The following QRICH1 variants were observed in gnomAD, a reference collection of about 807,000 sequenced individuals.
The protein encoded by QRICH1 is transcriptional regulator QRICH1.
Under a neutral mutation model 87.1 loss-of-function variants are expected in QRICH1, and 16 were observed. The ratio of observed to expected loss-of-function variants is 0.18; its 90% confidence interval spans 0.12 to 0.28. The LOEUF (loss-of-function observed/expected upper bound fraction) is 0.28, where lower values mean the gene tolerates loss of function less well. QRICH1 is among the 10% of genes least tolerant of loss of function. The probability of loss-of-function intolerance (pLI) is 1.00; values close to 1 mark genes in which losing one functional copy is unlikely to be tolerated. For synonymous variants in QRICH1, 367 were observed against 368.4 expected (o/e 1.00, Z 0.05); for missense variants, 647 against 951.7 (o/e 0.68, Z 4.21).
chr3:49,049,638 CAGGT>C (rs1559932819), intron 3 of QRICH1, among the ~76,000 whole-genome samples: 1 of 151,746 alleles, frequency 6.6e-6, no homozygotes, highest in East Asian at 2.0e-4. Context: ...GCTGGGATTA[CAGGT>C]GTCTGCCATC....
intron 2 of QRICH1, among the ~76,000 whole-genome samples, chr3:49,072,646 AT>A (rs1288701774): frequency 6.6e-6 from 1 of 152,232 alleles, no homozygotes; most frequent in Non-Finnish European, 1.5e-5. Context: ...TAATAAGCTC[AT>A]GCCAACAATT....
At chr3:49,038,835 T>C (rs2093292073) in intron 6 of QRICH1, among the ~76,000 whole-genome samples, 1 of 152,148 alleles carries the variant, frequency 6.6e-6, no homozygotes, top group African/African-American at 2.4e-5. Context: ...AAGACAAGCC[T>C]AGGCAACACA....
rs549789770 is a variant in QRICH1, at chr3:49,031,345, G to A, written c.2139-701C>T. Among the ~76,000 whole-genome samples the A allele has an allele frequency of 2.6e-5, 4 of 152,070 alleles. No individual in the cohort carries two copies. The East Asian group carries it at 5.8e-4, about 22-fold the overall frequency. ...CATTACAGTGGGGCCCTAAACTTGG[G>A]TTCACCCCCCTCCCCCGAACTGTGC... is the stretch of plus-strand genomic sequence containing the variant. On this transcript the variant is annotated intron_variant, in intron 9 of 9. Transcript: ENST00000395443.
intron 3 of QRICH1, among the ~76,000 whole-genome samples, chr3:49,048,661 G>A (rs1303347509): frequency 6.7e-6 from 1 of 150,274 alleles, no homozygotes; most frequent in African/African-American, 2.4e-5. Context: ...GGTGGCGGGC[G>A]CCTGTAGTCC....
In QRICH1 at chr3:49,030,341, C is replaced by T. The variant is rs930297058; in HGVS notation, c.*111G>A. The T allele has an allele frequency of 7.6e-6, 8 of 1,046,748 alleles. No individual in the cohort carries two copies. The highest frequency in any genetic ancestry group is 4.9e-5 in the African/African-American group (3 of 61,278). The allele number at this position is 1,046,748 out of a possible 1,614,324, so 64.8% of individuals were successfully genotyped here. A position where few individuals can be genotyped will look rare whatever the true frequency, so the allele number is the denominator to read the frequency against. ...TAAACAGAAGCAGCCTGAAAGGCTT[C>T]GTAACTACACCAATAAAAAAAAGAA... On this transcript the variant is annotated 3_prime_UTR_variant, in exon 10 of 10. Transcript: ENST00000395443.
chr3:49,030,701 C>T lies in QRICH1; in HGVS notation c.2139-57G>A, dbSNP rs745348644. ...ACCAATATAACTTCAACCCTCCCAC[C>T]CTGAACTTCCCAGACAGATGCTGTC... On this transcript the variant is annotated intron_variant, in intron 9 of 9. Transcript: ENST00000395443. 3 of 1,399,150 alleles carry T rather than the reference C, an allele frequency of 2.1e-6. No individual in the cohort carries two copies. The African/African-American group carries it at 4.4e-5, about 21-fold the overall frequency. 86.7% of individuals were successfully genotyped at this position (1,399,150 alleles called of 1,614,324 possible). A position where few individuals can be genotyped will look rare whatever the true frequency, so the allele number is the denominator to read the frequency against.
chr3:49,051,586 C>CA (rs1374816179), intron 3 of QRICH1, among the ~76,000 whole-genome samples: 1 of 38,278 alleles, frequency 2.6e-5, no homozygotes, highest in African/African-American at 1.5e-4. Context: ...CCCCCTGCGC[C>CA]CCCCCCCCCC....
chr3:49,040,211 C>A (rs905433134), intron 6 of QRICH1, among the ~76,000 whole-genome samples: 3 of 152,208 alleles, frequency 2.0e-5, no homozygotes, highest in Non-Finnish European at 2.9e-5. Flanking sequence ...TTGAAAACTT[C>A]CAAATTATGT....
chr3:49,049,545 T>C (rs2093358157), intron 3 of QRICH1, among the ~76,000 whole-genome samples: 1 of 152,108 alleles, frequency 6.6e-6, no homozygotes, highest in African/African-American at 2.4e-5. Context: ...CCACCCAGGC[T>C]GGAGAGCAGT....
chr3:49,068,698 G>A (rs1196055161), intron 2 of QRICH1, among the ~76,000 whole-genome samples: 3 of 151,130 alleles, frequency 2.0e-5, no homozygotes, highest in African/African-American at 4.9e-5. Flanking sequence ...GCACGATCTC[G>A]GCTCACTGCA....
At chr3:49,032,845 T>C in intron 7 of QRICH1, 72 bp from the exon 8 acceptor site, 1 of 1,504,986 alleles carries the variant, frequency 6.6e-7, no homozygotes, top group Non-Finnish European at 8.9e-7. Context: ...CTCTGCCCAC[T>C]GGTGCTTCAG....
At chr3:49,080,354 G>A (rs2107001669) in intron 1 of QRICH1, among the ~76,000 whole-genome samples, 1 of 151,914 alleles carries the variant, frequency 6.6e-6, no homozygotes, top group Non-Finnish European at 1.5e-5. Context: ...AGGTACAAAA[G>A]TAAAGCGTTT....
At chr3:49,090,720 G>C (rs1437036130) in intron 1 of QRICH1, among the ~76,000 whole-genome samples, 1 of 151,872 alleles carries the variant, frequency 6.6e-6, no homozygotes, top group Admixed American at 6.6e-5. Context: ...GCCCTGGCCT[G>C]AAGAGTGAGA....
chr3:49,048,776 A>G (rs1229306250), intron 3 of QRICH1, among the ~76,000 whole-genome samples: 1 of 39,810 alleles, frequency 2.5e-5, no homozygotes, highest in Non-Finnish European at 4.2e-5. Context: ...TAACAGAGTG[A>G]GACTCTGTTC....
chr3:49,039,489 T>TG (rs1055789917), intron 6 of QRICH1, among the ~76,000 whole-genome samples: 1 of 150,802 alleles, frequency 6.6e-6, no homozygotes, highest in Non-Finnish European at 1.5e-5. Flanking sequence ...GAGACCAGCC[T>TG]GGACAGGTGC....
rs549320968 is a variant in QRICH1 at position 49,060,662 on chromosome 3, C to T, written c.310-2772G>A. On this transcript the variant is annotated intron_variant, in intron 2 of 9. Transcript: ENST00000395443. ...TGATTTTTTGGGCAGAAGTCCCCAACCCTGGGGCCAAGGACTAGTACTGGT... is the reference window on the plus strand; with the variant it reads ...TGATTTTTTGGGCAGAAGTCCCCAATCCTGGGGCCAAGGACTAGTACTGGT... Among the ~76,000 whole-genome samples, 10 of 152,302 alleles carry T rather than the reference C, an allele frequency of 6.6e-5. No homozygotes were observed. In the South Asian group the frequency reaches 1.9e-3, roughly 28 times the overall value.
intron 6 of QRICH1, among the ~76,000 whole-genome samples, chr3:49,036,300 G>A (rs1011108802): frequency 2.6e-5 from 4 of 152,104 alleles, no homozygotes; most frequent in African/African-American, 9.7e-5. Flanking sequence ...GACCAATCTA[G>A]GAACAATAAG....
chr3:49,093,498 G>C (rs575646165), intron 1 of QRICH1: 16 of 151,916 alleles, frequency 1.1e-4, no homozygotes, highest in Admixed American at 9.8e-4. Context: ...ACCGCCACCC[G>C]ATATCAGAGC....
At chr3:49,060,518 C>T (rs958592337) in intron 2 of QRICH1, among the ~76,000 whole-genome samples, 7 of 151,714 alleles carry the variant, frequency 4.6e-5, no homozygotes, top group Admixed American at 1.3e-4. Flanking sequence ...TTAGTAGAGA[C>T]GGGGTTTCAC....
Sources: allele counts gnomAD v4.1 joint callset (sites outside exome capture counted in the v4.1 genomes callset), GRCh38; gene constraint gnomAD v4.1.1; transcripts MANE v1.5; gene names NCBI Gene and HGNC (gene_info 2026-07-23, HGNC 2026-07-21).